The following PDF variants were observed in gnomAD, a reference collection of about 807,000 sequenced individuals.
PDF encodes peptide deformylase-like protein.
In PDF, 31 loss-of-function variants were observed where a neutral mutation model predicts 20.3. The observed-to-expected ratio is 1.52, with a 90% CI of 1.15 to 2.06. The LOEUF (loss-of-function observed/expected upper bound fraction) is 2.06, where lower values mean the gene tolerates loss of function less well. Among genes scored for constraint, PDF ranks in the 30% most tolerant of loss-of-function variants. PDF has a pLI of 0.00. For synonymous variants in PDF, 254 were observed against 172.0 expected (o/e 1.48, Z -3.73); for missense variants, 447 against 362.5 (o/e 1.23, Z -1.89).
At chr16:69,329,972 C>T (rs2011646218) in intron 1 of PDF, 25 bp downstream of exon 1, 1 of 1,510,650 alleles carries the variant, frequency 6.6e-7, no homozygotes, top group African/African-American at 1.4e-5. Flanking sequence ...GCTGCTCCAG[C>T]AGCCCCGGTC....
chr16:69,327,403 G>T lies in PDF; in HGVS notation c.*1619C>A, dbSNP rs1204151454. ...GGCTGGTCTTGAACTCCTGACCTCA[G>T]GTGATCTGCCTGCCTTGACCTCCCA... On this transcript the variant is annotated 3_prime_UTR_variant, in exon 2 of 2. Transcript: ENST00000288022. 6.6e-6 allele frequency: 1 copy of T among 151,722 alleles called. No individual in the cohort carries two copies. Among genetic ancestry groups the T allele is most frequent in the Non-Finnish European group, 1.5e-5 (1 of 67,936 alleles). The allele number at this position is 151,722 out of a possible 1,614,324, so 9.4% of individuals were successfully genotyped here.
intron 1 of PDF, among the ~76,000 whole-genome samples, chr16:69,329,409 AG>A (rs533809294): frequency 2.0e-5 from 3 of 152,234 alleles, no homozygotes; most frequent in Non-Finnish European, 2.9e-5. Flanking sequence ...AGCTCACTGT[AG>A]AGCTGAGATG....
In PDF at chr16:69,330,502, T is replaced by G. The variant is rs890649794; in HGVS notation, c.69A>C (p.Ala23=). ...LWAAVPWGGA[A]AVGVRACSST... ...AGCTGCAAGCCCGGACACCGACGGC[T>G]GCCGCCCCGCCCCACGGCACGGCCG... The change falls in exon 1 of 2, where the codon GCA becomes GCC. Residue 23 remains alanine, a synonymous_variant. Coordinates refer to ENST00000288022, the MANE Select transcript of PDF (RefSeq NM_022341.2). The G allele has an allele frequency of 1.4e-6, 2 of 1,472,708 alleles. No individual in the cohort carries two copies. The highest frequency in any genetic ancestry group is 1.8e-6 in the Non-Finnish European group (2 of 1,120,768). 91.2% of individuals were successfully genotyped at this position (1,472,708 alleles called of 1,614,324 possible). A position where few individuals can be genotyped will look rare whatever the true frequency, so the allele number is the denominator to read the frequency against.
chr16:69,328,960 C>G lies in PDF; in HGVS notation c.*62G>C. On this transcript the variant is annotated 3_prime_UTR_variant, in exon 2 of 2. Coordinates refer to ENST00000288022, the MANE Select transcript of PDF (RefSeq NM_022341.2). ...AAGTTGATGCCAAGTAAGATTTGCC[C>G]AGCTCAAAGTGAAAGTGTTTGCGTC... The G allele has an allele frequency of 1.3e-6, 2 of 1,561,344 alleles. No homozygotes were observed. Among genetic ancestry groups the G allele is most frequent in the Non-Finnish European group, 1.7e-6 (2 of 1,164,416 alleles).
intron 1 of PDF, 70 bp downstream of exon 1, chr16:69,329,927 G>C (rs1965732956): frequency 1.4e-6 from 2 of 1,446,028 alleles, no homozygotes; most frequent in Non-Finnish European, 1.8e-6. Context: ...GACCACTTCT[G>C]CGCTCTCGCG....
In PDF at chr16:69,330,576, C is replaced by T. The variant is rs1210504802; in HGVS notation, c.-6G>A. 1.4e-6 allele frequency: 2 copies of T among 1,454,320 alleles called. No individual in the cohort carries two copies. Among genetic ancestry groups the T allele is most frequent in the Non-Finnish European group, 9.0e-7 (1 of 1,114,096 alleles). 90.1% of individuals were successfully genotyped at this position (1,454,320 alleles called of 1,614,324 possible). The stretch of plus-strand genomic sequence containing the variant: ...GCGCCCCACAGCCGGGCCATGGCGG[C>T]CCCCTTAACAGTGACCCGGCCCGCC... On this transcript the variant is annotated 5_prime_UTR_variant, in exon 1 of 2. Transcript: ENST00000288022.
chr16:69,328,926 G>A lies in PDF; in HGVS notation c.*96C>T, dbSNP rs1965688202. On this transcript the variant is annotated 3_prime_UTR_variant, in exon 2 of 2. Transcript: ENST00000288022. ...GGCAATCCAGTTTCCTGTCATATGC[G>A]AGCCATCCAAGTTGATGCCAAGTAA... is the stretch of plus-strand genomic sequence containing the variant. The A allele has an allele frequency of 2.7e-6, 4 of 1,476,012 alleles. No individual in the cohort carries two copies. Among genetic ancestry groups the A allele is most frequent in the Non-Finnish European group, 1.8e-6 (2 of 1,100,590 alleles). The allele number at this position is 1,476,012 out of a possible 1,614,324, so 91.4% of individuals were successfully genotyped here.
chr16:69,329,968 C>G (rs1287508834), intron 1 of PDF, 29 bp downstream of exon 1: 34 of 1,506,118 alleles, frequency 2.3e-5, no homozygotes, highest in Non-Finnish European at 2.7e-5. Context: ...GCGCGCTGCT[C>G]CAGCAGCCCC....
chr16:69,327,123 C>T lies in PDF; in HGVS notation c.*1899G>A, dbSNP rs1837251611. On this transcript the variant is annotated 3_prime_UTR_variant, in exon 2 of 2. Coordinates refer to ENST00000288022, the MANE Select transcript of PDF (RefSeq NM_022341.2). ...TTTCTACAAATCTCCCCATTGGCTGCATCTCTGACCTTGCACCAGTATCTG... is the reference window on the plus strand; with the variant it reads ...TTTCTACAAATCTCCCCATTGGCTGTATCTCTGACCTTGCACCAGTATCTG... 6.7e-6 allele frequency: 1 copy of T among 150,254 alleles called. No homozygotes were observed. Among genetic ancestry groups the T allele is most frequent in the Non-Finnish European group, 1.5e-5 (1 of 67,792 alleles). 9.3% of individuals were successfully genotyped at this position (150,254 alleles called of 1,614,324 possible).
rs1965685059 is a variant in PDF, at chr16:69,328,841, G to C, written c.*181C>G. The C allele has an allele frequency of 3.8e-6, 3 of 790,948 alleles. No individual in the cohort carries two copies. Among genetic ancestry groups the C allele is most frequent in the Non-Finnish European group, 5.8e-6 (3 of 513,334 alleles). The allele number at this position is 790,948 out of a possible 1,614,324, so 49.0% of individuals were successfully genotyped here. A position where few individuals can be genotyped will look rare whatever the true frequency, so the allele number is the denominator to read the frequency against. ...TCAAGTTGTAGCCAACATTTTGTCC[G>C]TAACTGATTTCAGGGCAAACATTTC... On this transcript the variant is annotated 3_prime_UTR_variant, in exon 2 of 2. Coordinates refer to ENST00000288022, the MANE Select transcript of PDF (RefSeq NM_022341.2).
rs1313895458 is a variant in PDF, at chr16:69,329,219, G to C, written c.575-40C>G. The C allele has an allele frequency of 2.6e-6, 4 of 1,531,246 alleles. No homozygotes were observed. In the South Asian group the frequency reaches 5.0e-5, roughly 19 times the overall value. 94.9% of individuals were successfully genotyped at this position (1,531,246 alleles called of 1,614,324 possible). A position where few individuals can be genotyped will look rare whatever the true frequency, so the allele number is the denominator to read the frequency against. ...ACAGCCCTGGTGAGTGGGAACAGCTGAACTGCATCATCCTCAACCTCCCTA... is the reference window on the plus strand; with the variant it reads ...ACAGCCCTGGTGAGTGGGAACAGCTCAACTGCATCATCCTCAACCTCCCTA... On this transcript the variant is annotated intron_variant, in intron 1 of 1. Transcript: ENST00000288022.
intron 1 of PDF, among the ~76,000 whole-genome samples, chr16:69,329,622 C>A (rs1965720024): frequency 6.6e-6 from 1 of 152,252 alleles, no homozygotes; most frequent in Non-Finnish European, 1.5e-5. Context: ...TCCTGTGGTA[C>A]CACGGGGGAA....
rs776308927 is a variant in PDF, at chr16:69,329,034, C to T, written c.720G>A (p.Lys240=). ...CAGTAGCAAAGCTTTAGTCATTCAC[C>T]TTCATCCAATAGACGTTTGTGAACG... The part of the protein sequence containing the change: ...SRTFTNVYWM[K]VND The change falls in exon 2 of 2, where the codon AAG becomes AAA. Residue 240 remains lysine (K), a synonymous_variant. Coordinates refer to ENST00000288022, the MANE Select transcript of PDF (RefSeq NM_022341.2). 1.2e-6 allele frequency: 2 copies of T among 1,609,364 alleles called. No homozygotes were observed. Among genetic ancestry groups the T allele is most frequent in the Non-Finnish European group, 1.7e-6 (2 of 1,178,728 alleles).
chr16:69,329,659 G>A lies in PDF; in HGVS notation c.574+338C>T, dbSNP rs141644076. Among the ~76,000 whole-genome samples the A allele has an allele frequency of 1.5e-4, 23 of 152,384 alleles. No individual in the cohort carries two copies. In the East Asian group the frequency reaches 3.9e-3, roughly 26 times the overall value. On this transcript the variant is annotated intron_variant, in intron 1 of 1. Transcript: ENST00000288022. ...GGCCTAGCCCCCTGGGCTGGGTCAG[G>A]CTGGCGGGGGCTAACCCCCACTTCT... is the stretch of plus-strand genomic sequence containing the variant.
chr16:69,329,930 C>T (rs893608550), intron 1 of PDF, 67 bp downstream of exon 1: 3 of 1,451,080 alleles, frequency 2.1e-6, no homozygotes, highest in Admixed American at 2.6e-5. Context: ...CACTTCTGCG[C>T]TCTCGCGGAG....
chr16:69,330,099 G>A lies in PDF; in HGVS notation c.472C>T (p.Leu158=), dbSNP rs763088076. 2.0e-4 allele frequency: 322 copies of A among 1,581,238 alleles called. No homozygotes were observed. Among genetic ancestry groups the A allele is most frequent in the Non-Finnish European group, 2.6e-4 (306 of 1,166,258 alleles). ...FPLRVFVNPS[L]RVLDSRLVTF... is the part of the protein sequence containing the mutation. ...ACCAGGCGGCTGTCAAGCACTCGCA[G>A]GCTGGGGTTCACGAACACGCGCAGG... The change falls in exon 1 of 2, where the codon CTG becomes TTG. Residue 158 remains leucine, a synonymous_variant. Coordinates refer to ENST00000288022, the MANE Select transcript of PDF (RefSeq NM_022341.2).
In PDF at chr16:69,330,325, C is replaced by T. The variant is rs780481092; in HGVS notation, c.246G>A (p.Val82=). ...DPVLRGVAAP[V]ERAQLGGPEL... is the part of the protein sequence containing the mutation. ...CGGGCCCGCCTAGCTGCGCCCGCTC[C>T]ACCGGGGCCGCCACGCCGCGCAGCA... Residue 82 remains valine (V), a synonymous_variant, in exon 1 of 2, where the codon GTG becomes GTA. Transcript: ENST00000288022. 3 of 1,449,246 alleles carry T rather than the reference C, an allele frequency of 2.1e-6. No homozygotes were observed. Among genetic ancestry groups the T allele is most frequent in the East Asian group, 3.0e-5 (1 of 32,928 alleles). The allele number at this position is 1,449,246 out of a possible 1,614,324, so 89.8% of individuals were successfully genotyped here.
intron 1 of PDF, 76 bp from the exon 2 acceptor site, chr16:69,329,255 C>A: frequency 1.4e-6 from 2 of 1,417,390 alleles, no homozygotes; most frequent in South Asian, 1.5e-5. Context: ...CCCCTGCCCC[C>A]GGTCCTGGCT....
Position 69,330,346 on chromosome 16 carries a change from C to T in PDF, c.225G>A (p.Leu75=). Residue 75 remains leucine, a synonymous_variant, in exon 1 of 2, where the codon CTG becomes CTA. Coordinates refer to ENST00000288022, the MANE Select transcript of PDF (RefSeq NM_022341.2). ...SHVCQVGDPV[L]RGVAAPVERA... ...GCTCCACCGGGGCCGCCACGCCGCG[C>T]AGCACCGGGTCCCCGACTTGGCACA... 6.8e-7 allele frequency: 1 copy of T among 1,470,180 alleles called. No homozygotes were observed. Among genetic ancestry groups the T allele is most frequent in the Non-Finnish European group, 8.9e-7 (1 of 1,118,242 alleles). The allele number at this position is 1,470,180 out of a possible 1,614,324, so 91.1% of individuals were successfully genotyped here. A position where few individuals can be genotyped will look rare whatever the true frequency, so the allele number is the denominator to read the frequency against.
Sources: gnomAD v4.1 joint callset for allele counts (sites outside exome capture counted in the v4.1 genomes callset) on GRCh38, gnomAD v4.1.1 for gene constraint, MANE v1.5 for transcripts, NCBI Gene and HGNC (gene_info 2026-07-23, HGNC 2026-07-21) for gene names.